SGCD: variants seen among roughly 807,000 people sequenced by gnomAD.
The protein encoded by SGCD is delta-sarcoglycan.
A neutral mutation model predicts 36.6 loss-of-function variants in SGCD; 18 were observed. The ratio of observed to expected loss-of-function variants is 0.49; its 90% CI spans 0.34 to 0.73. The LOEUF is 0.73. Ranked by LOEUF, SGCD falls within the 30% of genes least tolerant of loss-of-function variation. SGCD has a pLI of 0.01. For synonymous variants in SGCD, 133 were observed against 130.6 expected (o/e 1.02, Z -0.12); for missense variants, 387 against 346.7 (o/e 1.12, Z -0.92).
At chr5:156,014,874 G>C (rs1328632582) in intron 1 of SGCD, among the ~76,000 whole-genome samples, 1 of 152,176 alleles carries the variant, frequency 6.6e-6, no homozygotes, top group Non-Finnish European at 1.5e-5. Flanking sequence ...GTTTGAAAAT[G>C]CTTCCTCGTA....
rs1039976001 is a variant in SGCD at position 156,757,134 on chromosome 5, C to G, written c.576-447C>G. 2.0e-5 allele frequency among the ~76,000 whole-genome samples: 3 copies of G among 151,920 alleles called. No individual in the cohort carries two copies. The East Asian group carries it at 5.8e-4, about 29-fold the overall frequency. On this transcript the variant is annotated intron_variant, in intron 7 of 8. Coordinates refer to ENST00000337851, the MANE Select transcript of SGCD (RefSeq NM_000337.6). ...ATGGCTTCACTCCAAGCATGTCAGA[C>G]TCCTAGACCCATTTTTTTAACCTCT...
chr5:156,218,730 T>C, intron 3 of SGCD, among the ~76,000 whole-genome samples: 1 of 152,214 alleles, frequency 6.6e-6, no homozygotes, highest in Non-Finnish European at 1.5e-5. Context: ...GCACTCTTTC[T>C]ACCAGTGGGT....
chr5:156,529,772 CTCTA>C (rs1757808611), intron 4 of SGCD, among the ~76,000 whole-genome samples: 1 of 152,160 alleles, frequency 6.6e-6, no homozygotes. Flanking sequence ...ATTTTGTGAT[CTCTA>C]TCAGCAGCTA....
At chr5:156,308,353 C>T (rs1767291769) in intron 3 of SGCD, among the ~76,000 whole-genome samples, 1 of 150,530 alleles carries the variant, frequency 6.6e-6, no homozygotes, top group African/African-American at 2.5e-5. Flanking sequence ...GGCTGGATTG[C>T]AGTGGCGCAA....
chr5:156,594,401 C>A (rs1252699862), intron 5 of SGCD, among the ~76,000 whole-genome samples: 1 of 152,052 alleles, frequency 6.6e-6, no homozygotes, highest in African/African-American at 2.4e-5. Flanking sequence ...TTACAGTAAC[C>A]ATTTCTGCTA....
intron 6 of SGCD, among the ~76,000 whole-genome samples, chr5:156,614,809 T>C (rs1327832632): frequency 6.6e-6 from 1 of 152,200 alleles, no homozygotes; most frequent in Non-Finnish European, 1.5e-5. Context: ...TCCACTTCCT[T>C]ACTTGCTGCT....
intron 4 of SGCD, among the ~76,000 whole-genome samples, chr5:156,578,690 G>A (rs955375454): frequency 6.6e-6 from 1 of 152,126 alleles, no homozygotes; most frequent in Non-Finnish European, 1.5e-5. Flanking sequence ...AGATTTTCTG[G>A]TTTATTTGTG....
At chr5:155,997,348 A>C (rs1312313116) in intron 1 of SGCD, among the ~76,000 whole-genome samples, 1 of 152,244 alleles carries the variant, frequency 6.6e-6, no homozygotes, top group Non-Finnish European at 1.5e-5. Flanking sequence ...AATCCAGGCT[A>C]TTGATCTAAC....
chr5:155,916,730 A>G (rs1756750591), intron 1 of SGCD, among the ~76,000 whole-genome samples: 1 of 152,232 alleles, frequency 6.6e-6, no homozygotes, highest in African/African-American at 2.4e-5. Context: ...ACAGTCATAG[A>G]ATCTCAAAGG....
chr5:156,036,590 A>G (rs970427210), intron 1 of SGCD, among the ~76,000 whole-genome samples: 8 of 152,212 alleles, frequency 5.3e-5, no homozygotes, highest in Non-Finnish European at 8.8e-5. Flanking sequence ...TTTAGAGAAC[A>G]AAACATCTTG....
At chr5:156,401,839 ACATG>A (rs1772167464) in intron 3 of SGCD, among the ~76,000 whole-genome samples, 1 of 152,188 alleles carries the variant, frequency 6.6e-6, no homozygotes, top group South Asian at 2.1e-4. Context: ...GACATTAAGT[ACATG>A]CATATTATTG....
At chr5:156,116,473 T>C (rs1761908269) in intron 1 of SGCD, among the ~76,000 whole-genome samples, 1 of 152,178 alleles carries the variant, frequency 6.6e-6, no homozygotes, top group African/African-American at 2.4e-5. Flanking sequence ...AAAATGTTTA[T>C]ATGTTAGGAA....
chr5:155,854,706 T>C, the SGCD span, among the ~76,000 whole-genome samples: 1 of 152,180 alleles, frequency 6.6e-6, no homozygotes, highest in East Asian at 1.9e-4. Context: ...ACTTCCAATA[T>C]TGATGTACCC....
At chr5:156,440,156 T>C (rs766740809) in intron 3 of SGCD, among the ~76,000 whole-genome samples, 15 of 152,118 alleles carry the variant, frequency 9.9e-5, no homozygotes, top group Non-Finnish European at 1.9e-4. Flanking sequence ...CTGTAGTCAT[T>C]GGCAACCTAC....
In SGCD at chr5:156,707,752, C is replaced by T. The variant is rs147619145; in HGVS notation, c.576-49829C>T. ...GGGAAACTGAAAAATAACTTTTAAACGCCATTTTTCTTTTTTCCCAAATGA... is the reference window on the plus strand; with the variant it reads ...GGGAAACTGAAAAATAACTTTTAAATGCCATTTTTCTTTTTTCCCAAATGA... On this transcript the variant is annotated intron_variant, in intron 7 of 8. Coordinates refer to ENST00000337851, the MANE Select transcript of SGCD (RefSeq NM_000337.6). Among the ~76,000 whole-genome samples the T allele has an allele frequency of 1.9e-4, 29 of 152,196 alleles. No individual in the cohort carries two copies. The East Asian group carries it at 3.3e-3, about 17-fold the overall frequency.
chr5:155,768,572 A>G, the SGCD span, among the ~76,000 whole-genome samples: 4 of 151,922 alleles, frequency 2.6e-5, no homozygotes, highest in African/African-American at 9.7e-5. Context: ...GTGATTGACA[A>G]TGTTCAGAAA....
the SGCD span, among the ~76,000 whole-genome samples, chr5:155,842,922 A>G: frequency 6.6e-6 from 1 of 152,186 alleles, no homozygotes; most frequent in Non-Finnish European, 1.5e-5. Context: ...ATTGTGTCTG[A>G]TCAGTTGTTT....
At position 156,404,119 on chromosome 5, in the gene SGCD, A is replaced by C. The variant is rs552948312; in HGVS notation, c.192+59442A>C. Among the ~76,000 whole-genome samples, 7 of 152,246 alleles carry C rather than the reference A, an allele frequency of 4.6e-5. No homozygotes were observed. The South Asian group carries it at 1.5e-3, about 32-fold the overall frequency. On this transcript the variant is annotated intron_variant, in intron 3 of 8. Transcript: ENST00000337851. ...CAGAGTGCTAGAATTACAGGTGTGCACCACTGTGCCTGGCCTTCCTCACCT... is the reference window on the plus strand; with the variant it reads ...CAGAGTGCTAGAATTACAGGTGTGCCCCACTGTGCCTGGCCTTCCTCACCT...
chr5:156,141,490 G>A (rs2127610505), intron 3 of SGCD, among the ~76,000 whole-genome samples: 1 of 152,326 alleles, frequency 6.6e-6, no homozygotes, highest in South Asian at 2.1e-4. Flanking sequence ...CCTTAACCTG[G>A]CAGAGGGCAG....
Sources: allele counts gnomAD v4.1 joint callset (sites outside exome capture counted in the v4.1 genomes callset), GRCh38; gene constraint gnomAD v4.1.1; transcripts MANE v1.5; gene names NCBI Gene and HGNC (gene_info 2026-07-23, HGNC 2026-07-21).